Variants in ROBO2 observed in about 807,000 individuals in gnomAD.
The protein encoded by ROBO2 is roundabout guidance receptor 2, also known as roundabout homolog 2.
A neutral mutation model predicts 160.8 loss-of-function variants in ROBO2; 53 were observed. The ratio of observed to expected loss-of-function variants is 0.33; its 90% CI spans 0.26 to 0.41. ROBO2 has a LOEUF of 0.41. ROBO2 is among the 10% of genes least tolerant of loss of function. The probability of loss-of-function intolerance (pLI) is 1.00; values close to 1 mark genes in which losing one functional copy is unlikely to be tolerated. For synonymous variants in ROBO2, 664 were observed against 611.7 expected, an observed-to-expected ratio of 1.09 and a Z score of -1.26; for missense variants, 1,577 against 1,722.4, an observed-to-expected ratio of 0.92 and a Z score of 1.49.
At chr3:77,070,906 A>G (rs1409048498) in intron 1 of ROBO2, among the ~76,000 whole-genome samples, 8 of 152,174 alleles carry the variant, frequency 5.3e-5, no homozygotes, top group Non-Finnish European at 1.0e-4. Flanking sequence ...CTCAGTACAA[A>G]TAAGAAACAG....
intron 2 of ROBO2, among the ~76,000 whole-genome samples, chr3:76,071,709 T>C (rs568227050): frequency 6.6e-6 from 1 of 152,170 alleles, no homozygotes; most frequent in African/African-American, 2.4e-5. Context: ...TTAAATTCAC[T>C]AAGAGAATTG....
intron 2 of ROBO2, among the ~76,000 whole-genome samples, chr3:76,197,670 C>T (rs902511885): frequency 6.6e-6 from 1 of 152,196 alleles, no homozygotes; most frequent in Non-Finnish European, 1.5e-5. Context: ...ATGCTCCAAA[C>T]ATATGTGAAA....
chr3:76,503,470 A>G (rs754396772), intron 2 of ROBO2, among the ~76,000 whole-genome samples: 6 of 152,214 alleles, frequency 3.9e-5, no homozygotes, highest in Non-Finnish European at 7.3e-5. Flanking sequence ...CAAAGGAAAA[A>G]GTATCGGTAT....
chr3:77,572,295 G>A (rs2093656543), intron 13 of ROBO2, among the ~76,000 whole-genome samples: 1 of 151,806 alleles, frequency 6.6e-6, no homozygotes, highest in South Asian at 2.1e-4. Context: ...ATACTGCAAG[G>A]GTTTTTTTGA....
intron 2 of ROBO2, among the ~76,000 whole-genome samples, chr3:77,462,145 T>C (rs1025962658): frequency 3.9e-5 from 6 of 152,368 alleles, no homozygotes; most frequent in South Asian, 2.1e-4. Flanking sequence ...CTATAGAAGA[T>C]GTATTAATAA....
chr3:77,166,512 T>C (rs192946430), intron 2 of ROBO2, among the ~76,000 whole-genome samples: 1 of 152,270 alleles, frequency 6.6e-6, no homozygotes, highest in Admixed American at 6.5e-5. Context: ...GTTTGAAAAC[T>C]TTTTCCAGCC....
chr3:76,011,304 T>C (rs2066186901), intron 2 of ROBO2, among the ~76,000 whole-genome samples: 1 of 152,168 alleles, frequency 6.6e-6, no homozygotes, highest in Non-Finnish European at 1.5e-5. Context: ...GTTGAGATGC[T>C]GCCAGCCCGT....
chr3:76,170,403 T>C (rs554862167), intron 2 of ROBO2, among the ~76,000 whole-genome samples: 8 of 152,216 alleles, frequency 5.3e-5, no homozygotes, highest in Non-Finnish European at 8.8e-5. Context: ...GGCCACTTAA[T>C]ATTAAATGTG....
chr3:77,507,373 A>C (rs2088703499), intron 5 of ROBO2, among the ~76,000 whole-genome samples: 1 of 152,188 alleles, frequency 6.6e-6, no homozygotes. Context: ...GCATTTTTCC[A>C]ACAAAGACAG....
intron 2 of ROBO2, among the ~76,000 whole-genome samples, chr3:76,350,954 A>G (rs2108283636): frequency 6.6e-6 from 1 of 152,126 alleles, no homozygotes; most frequent in East Asian, 1.9e-4. Context: ...TCTTGGAAAA[A>G]TGAGTGAAAT....
chr3:77,510,461 G>A (rs543990051), intron 5 of ROBO2, among the ~76,000 whole-genome samples: 1 of 152,024 alleles, frequency 6.6e-6, no homozygotes, highest in African/African-American at 2.4e-5. Flanking sequence ...GATTTCAAAG[G>A]CAGAGCCATT....
chr3:77,159,859 T>G (rs2078333112), intron 2 of ROBO2, among the ~76,000 whole-genome samples: 1 of 152,170 alleles, frequency 6.6e-6, no homozygotes, highest in Non-Finnish European at 1.5e-5. Context: ...ATATTTCAAA[T>G]TCCTATACTT....
intron 2 of ROBO2, among the ~76,000 whole-genome samples, chr3:76,065,213 C>T (rs2068212516): frequency 6.6e-6 from 1 of 151,992 alleles, no homozygotes; most frequent in African/African-American, 2.4e-5. Flanking sequence ...GATTTCCTCC[C>T]AAAAATGCTT....
chr3:76,292,037 G>A (rs1297151537), intron 2 of ROBO2, among the ~76,000 whole-genome samples: 1 of 152,090 alleles, frequency 6.6e-6, no homozygotes, highest in Non-Finnish European at 1.5e-5. Context: ...ATTTGGTCAA[G>A]TGTCTATTCA....
intron 2 of ROBO2, among the ~76,000 whole-genome samples, chr3:76,248,389 G>C (rs1320996601): frequency 1.3e-5 from 2 of 149,030 alleles, no homozygotes; most frequent in Admixed American, 6.8e-5. Flanking sequence ...ACTATCGCAA[G>C]AACAAAAAAC....
chr3:77,189,967 C>T (rs1187814613), intron 2 of ROBO2, among the ~76,000 whole-genome samples: 1 of 151,904 alleles, frequency 6.6e-6, no homozygotes, highest in Non-Finnish European at 1.5e-5. Flanking sequence ...TTTTCTGATA[C>T]TAAATTCAAT....
Position 77,648,748 on chromosome 3 carries a change from C to G in ROBO2, c.*2693C>G, listed in dbSNP as rs911003710. On this transcript the variant is annotated 3_prime_UTR_variant, in exon 26 of 26. Transcript: ENST00000461745. ...TACTAATCAGTGTTGAGTCAGATGT[C>G]AACAGAAAAATACAAATACCTATGA... 2.0e-5 allele frequency: 3 copies of G among 152,052 alleles called. No homozygotes were observed. The East Asian group carries it at 5.8e-4, about 29-fold the overall frequency. 9.4% of individuals were successfully genotyped at this position (152,052 alleles called of 1,614,324 possible).
intron 2 of ROBO2, among the ~76,000 whole-genome samples, chr3:77,433,505 T>C (rs1463185265): frequency 2.7e-5 from 3 of 112,032 alleles, no homozygotes; most frequent in Admixed American, 8.1e-5. Context: ...TATATATATA[T>C]ATATATATAT....
At chr3:77,178,641 A>T (rs1472427057) in intron 2 of ROBO2, among the ~76,000 whole-genome samples, 3 of 152,092 alleles carry the variant, frequency 2.0e-5, no homozygotes, top group Non-Finnish European at 2.9e-5. Flanking sequence ...CATTTTTTGA[A>T]ATAAATTTTA....
Sources: allele counts gnomAD v4.1 joint callset (sites outside exome capture counted in the v4.1 genomes callset), GRCh38; gene constraint gnomAD v4.1.1; transcripts MANE v1.5; gene names NCBI Gene and HGNC (gene_info 2026-07-23, HGNC 2026-07-21).